MIGA1: variants seen among roughly 807,000 people sequenced by gnomAD.
The protein encoded by MIGA1 is mitoguardin 1.
A neutral mutation model predicts 82.0 loss-of-function variants in MIGA1; 58 were observed. That is an observed-to-expected ratio of 0.71 (90% CI 0.57 to 0.88). The LOEUF (loss-of-function observed/expected upper bound fraction) is 0.88. Among genes scored for constraint, MIGA1 ranks in the 40% least tolerant of loss-of-function variants. MIGA1 has a pLI of 0.00. For missense variants in MIGA1, 751 were observed against 749.1 expected, an observed-to-expected ratio of 1.00 and a Z score of -0.03; for synonymous variants, 249 against 253.6, an observed-to-expected ratio of 0.98 and a Z score of 0.17.
At chr1:77,866,441 T>C (rs1557937147) in intron 14 of MIGA1, 50 bp downstream of exon 14, 2 of 1,561,052 alleles carry the variant, frequency 1.3e-6, no homozygotes, top group Non-Finnish European at 1.8e-6. Flanking sequence ...TTAAGGATTC[T>C]GTCAAAGCAG....
intron 14 of MIGA1, among the ~76,000 whole-genome samples, chr1:77,866,612 C>A (rs1247836642): frequency 6.6e-6 from 1 of 151,498 alleles, no homozygotes. Flanking sequence ...TTTCAGCTAA[C>A]TGGGAGAGGG....
chr1:77,809,376 G>A (rs561467946), intron 5 of MIGA1, among the ~76,000 whole-genome samples: 3 of 152,214 alleles, frequency 2.0e-5, no homozygotes, highest in East Asian at 1.9e-4. Context: ...TATATAGTGA[G>A]GTAGACATAG....
chr1:77,848,070 C>G, intron 8 of MIGA1: 2 of 1,293,708 alleles, frequency 1.5e-6, no homozygotes, highest in Non-Finnish European at 2.2e-6. Flanking sequence ...ATCGAGAGGA[C>G]ACGAGAAAAG....
chr1:77,817,278 G>C (rs1683606910), intron 7 of MIGA1, among the ~76,000 whole-genome samples: 1 of 152,092 alleles, frequency 6.6e-6, no homozygotes, highest in Non-Finnish European at 1.5e-5. Flanking sequence ...ATGTGGCTTA[G>C]TTTTTGGGGT....
chr1:77,853,241 G>T (rs1429295635), intron 8 of MIGA1: 1 of 152,172 alleles, frequency 6.6e-6, no homozygotes, highest in Non-Finnish European at 1.5e-5. Context: ...AAGTAAAATG[G>T]CTGAATCTCC....
Position 77,806,897 on chromosome 1 carries a change from A to G in MIGA1, c.511-78A>G. On this transcript the variant is annotated intron_variant, in intron 4 of 15. Transcript: ENST00000370791. ...CTTACCACTAATAGGATTTATAAAAATAATTTGTAAATATGAAAGATCACA... is the reference window on the plus strand; with the variant it reads ...CTTACCACTAATAGGATTTATAAAAGTAATTTGTAAATATGAAAGATCACA... The G allele has an allele frequency of 4.6e-6, 5 of 1,093,590 alleles. No homozygotes were observed. In the South Asian group the frequency reaches 5.0e-5, roughly 11 times the overall value. The allele number at this position is 1,093,590 out of a possible 1,614,324, so 67.7% of individuals were successfully genotyped here.
intron 2 of MIGA1, among the ~76,000 whole-genome samples, chr1:77,788,962 A>G (rs887293182): frequency 1.3e-5 from 2 of 152,182 alleles, no homozygotes; most frequent in African/African-American, 4.8e-5. Context: ...TGGGATTTTG[A>G]TAGAGACTGC....
intron 7 of MIGA1, among the ~76,000 whole-genome samples, chr1:77,841,829 C>T (rs149885341): frequency 4.7e-4 from 70 of 149,122 alleles, no homozygotes; most frequent in Middle Eastern, 3.4e-3. Context: ...GACAAGGTCT[C>T]ACTCTGACAT....
chr1:77,811,725 G>A (rs866392873), intron 5 of MIGA1: 24 of 1,611,380 alleles, frequency 1.5e-5, no homozygotes, highest in East Asian at 4.5e-5. Flanking sequence ...CGAAGTCGGC[G>A]CCTCTCCTAA....
At chr1:77,855,989 T>C (rs1246907768) in intron 8 of MIGA1, among the ~76,000 whole-genome samples, 1 of 152,156 alleles carries the variant, frequency 6.6e-6, no homozygotes, top group African/African-American at 2.4e-5. Context: ...GAGGGAATGC[T>C]TTCAACTTTT....
At chr1:77,825,247 C>T (rs1445007952) in intron 7 of MIGA1, among the ~76,000 whole-genome samples, 1 of 152,082 alleles carries the variant, frequency 6.6e-6, no homozygotes, top group Non-Finnish European at 1.5e-5. Context: ...CTCAAGTGAT[C>T]TGCCCGCCTC....
rs1464219449 is a variant in MIGA1 at position 77,878,160 on chromosome 1, C to T, written c.*3096C>T. 6.6e-6 allele frequency: 1 copy of T among 152,108 alleles called. No individual in the cohort carries two copies. Among genetic ancestry groups the T allele is most frequent in the Non-Finnish European group, 1.5e-5 (1 of 68,112 alleles). The allele number at this position is 152,108 out of a possible 1,614,324, so 9.4% of individuals were successfully genotyped here. A position where few individuals can be genotyped will look rare whatever the true frequency, so the allele number is the denominator to read the frequency against. On this transcript the variant is annotated 3_prime_UTR_variant, in exon 16 of 16. Coordinates refer to ENST00000370791, the MANE Select transcript of MIGA1 (RefSeq NM_198549.4). ...TGTAATCCCAGCACTTTGGGAGGCC[C>T]AAGTGGGCAGATAACCTGAGGTCAG... is the stretch of plus-strand genomic sequence containing the variant.
At chr1:77,850,413 A>G (rs1685003564) in intron 8 of MIGA1, among the ~76,000 whole-genome samples, 1 of 152,098 alleles carries the variant, frequency 6.6e-6, no homozygotes, top group African/African-American at 2.4e-5. Context: ...TTAAGTTCCT[A>G]TTGTCTATTA....
At chr1:77,827,682 G>A (rs528150345) in intron 7 of MIGA1, among the ~76,000 whole-genome samples, 35 of 152,192 alleles carry the variant, frequency 2.3e-4, no homozygotes, top group Non-Finnish European at 8.8e-5. Flanking sequence ...AGTCTGCGAA[G>A]GAGAGTGAAC....
At chr1:77,825,581 G>C (rs1309521493) in intron 7 of MIGA1, among the ~76,000 whole-genome samples, 8 of 152,098 alleles carry the variant, frequency 5.3e-5, no homozygotes. Flanking sequence ...ACCTGGTACT[G>C]TAACTCAGAA....
chr1:77,816,251 G>A (rs1002798421), intron 7 of MIGA1, among the ~76,000 whole-genome samples: 2 of 152,098 alleles, frequency 1.3e-5, no homozygotes, highest in Admixed American at 6.6e-5. Flanking sequence ...GCCAAGGTGA[G>A]GTTCTTGAAT....
chr1:77,826,023 G>A (rs777486780), intron 7 of MIGA1, among the ~76,000 whole-genome samples: 24 of 152,104 alleles, frequency 1.6e-4, no homozygotes, highest in Non-Finnish European at 2.6e-4. Flanking sequence ...TTTAGCATAG[G>A]CACATGGTAA....
At chr1:77,829,966 T>G (rs1260930424) in intron 7 of MIGA1, among the ~76,000 whole-genome samples, 2 of 149,802 alleles carry the variant, frequency 1.3e-5, no homozygotes, top group African/African-American at 2.4e-5. Context: ...ATCTGTTTCC[T>G]GCATTGGTTT....
At chr1:77,782,051 T>A (rs1681943739) in intron 1 of MIGA1, among the ~76,000 whole-genome samples, 1 of 151,990 alleles carries the variant, frequency 6.6e-6, no homozygotes, top group Non-Finnish European at 1.5e-5. Flanking sequence ...CTCGAACTCC[T>A]GGGTTCATGG....
Sources: allele counts gnomAD v4.1 joint callset (sites outside exome capture counted in the v4.1 genomes callset), GRCh38; gene constraint gnomAD v4.1.1; transcripts MANE v1.5; gene names NCBI Gene and HGNC (gene_info 2026-07-23, HGNC 2026-07-21).